Variants in ST6GAL2 observed in about 807,000 individuals in gnomAD.
ST6GAL2 encodes beta-galactoside alpha-2,6-sialyltransferase 2.
ST6GAL2 carries 24 observed loss-of-function variants against 37.5 expected under a neutral mutation model. The ratio of observed to expected loss-of-function variants is 0.64; its 90% CI spans 0.46 to 0.90. The LOEUF is 0.90. Ranked by LOEUF, ST6GAL2 falls within the 40% of genes least tolerant of loss-of-function variation. The probability of loss-of-function intolerance (pLI) is 0.00; values close to 1 mark genes in which losing one functional copy is unlikely to be tolerated. For missense variants in ST6GAL2, 715 were observed against 712.7 expected, an observed-to-expected ratio of 1.00 and a Z score of -0.04; for synonymous variants, 306 against 295.1, an observed-to-expected ratio of 1.04 and a Z score of -0.38.
At chr2:106,867,977 A>C (rs2104605567) in intron 1 of ST6GAL2, among the ~76,000 whole-genome samples, 1 of 152,362 alleles carries the variant, frequency 6.6e-6, no homozygotes, top group South Asian at 2.1e-4. Context: ...TTATTATATA[A>C]GAAGGTAAGG....
Position 106,832,553 on chromosome 2 carries a change from G to A in ST6GAL2, c.1143+12C>T, listed in dbSNP as rs758272369. ...TGACCGTTGGGGTGGGCAAATCCAG[G>A]GAAACACTTACCAGGTTAAGATTTG... On this transcript the variant is annotated intron_variant, in intron 4 of 5. Coordinates refer to ENST00000409382, the MANE Select transcript of ST6GAL2 (RefSeq NM_001142351.2). 1 of 1,488,652 alleles carries A rather than the reference G, an allele frequency of 6.7e-7. No homozygotes were observed. The highest frequency in any genetic ancestry group is 1.2e-5 in the South Asian group (1 of 82,448). The allele number at this position is 1,488,652 out of a possible 1,614,324, so 92.2% of individuals were successfully genotyped here. A position where few individuals can be genotyped will look rare whatever the true frequency, so the allele number is the denominator to read the frequency against.
intron 1 of ST6GAL2, among the ~76,000 whole-genome samples, chr2:106,876,694 G>T (rs1017085168): frequency 6.6e-6 from 1 of 152,148 alleles, no homozygotes; most frequent in Non-Finnish European, 1.5e-5. Context: ...TTCAATTTAT[G>T]AAAATTCATC....
chr2:106,825,313 G>A (rs1448112), intron 5 of ST6GAL2, among the ~76,000 whole-genome samples: 3 of 152,130 alleles, frequency 2.0e-5, no homozygotes, highest in Admixed American at 1.3e-4. Context: ...TATGGAGAGA[G>A]GTTCATGCAG....
At chr2:106,835,894 T>C (rs779587520) in intron 2 of ST6GAL2, among the ~76,000 whole-genome samples, 5 of 152,242 alleles carry the variant, frequency 3.3e-5, no homozygotes, top group Admixed American at 6.5e-5. Context: ...TCATACTTTA[T>C]TGAGGTAATG....
chr2:106,818,581 C>A (rs1675890529), intron 5 of ST6GAL2, among the ~76,000 whole-genome samples: 1 of 152,134 alleles, frequency 6.6e-6, no homozygotes, highest in Non-Finnish European at 1.5e-5. Context: ...CCATACTCAA[C>A]TCCTTTCAAA....
intron 1 of ST6GAL2, among the ~76,000 whole-genome samples, chr2:106,878,641 G>T (rs1432566209): frequency 6.6e-6 from 1 of 152,196 alleles, no homozygotes; most frequent in Non-Finnish European, 1.5e-5. Flanking sequence ...TGTTTAGATA[G>T]AATCTACATT....
chr2:106,878,332 T>G (rs916445162), intron 1 of ST6GAL2, among the ~76,000 whole-genome samples: 19 of 151,984 alleles, frequency 1.3e-4, no homozygotes, highest in Non-Finnish European at 2.8e-4. Flanking sequence ...GGTGTGGTGG[T>G]GCCCACCTGT....
At chr2:106,855,879 C>T (rs1294019580) in intron 1 of ST6GAL2, among the ~76,000 whole-genome samples, 2 of 152,140 alleles carry the variant, frequency 1.3e-5, no homozygotes, top group African/African-American at 2.4e-5. Flanking sequence ...TTACACGGAA[C>T]TCCAGATTTA....
At chr2:106,872,861 T>A (rs1678335148) in intron 1 of ST6GAL2, among the ~76,000 whole-genome samples, 2 of 152,174 alleles carry the variant, frequency 1.3e-5, no homozygotes, top group African/African-American at 4.8e-5. Flanking sequence ...ATACTGAAGA[T>A]CACTTAATGT....
chr2:106,843,066 T>C lies in ST6GAL2; in HGVS notation c.912A>G (p.Ala304=). The C allele has an allele frequency of 4.7e-6, 7 of 1,477,450 alleles. No individual in the cohort carries two copies. The highest frequency in any genetic ancestry group is 2.5e-5 in the East Asian group (1 of 39,894). 91.5% of individuals were successfully genotyped at this position (1,477,450 alleles called of 1,614,324 possible). The change falls in exon 2 of 6, where the codon GCA becomes GCG. Residue 304 remains alanine, a synonymous_variant. Coordinates refer to ENST00000409382, the MANE Select transcript of ST6GAL2 (RefSeq NM_001142351.2). The part of the protein sequence containing the change: ...RSCAVVMSAG[A]ILNSSLGEEI... ...CCTCGCCCAAGGAAGAGTTGAGGAT[T>C]GCGCCTGCAGACATGACGACAGCGC...
In ST6GAL2 at chr2:106,826,556, A is replaced by AAAT. The variant is rs553561294; in HGVS notation, c.1318+3507_1318+3509dup. Reference sequence around the variant, plus strand: ...CTCCGTCTCAAAAAAAAAAAAAAAAAAATCAGAAAACAACCAAATCTCACA... The same window carrying AAAT: ...CTCCGTCTCAAAAAAAAAAAAAAAAAAATAATCAGAAAACAACCAAATCTCACA... On this transcript the variant is annotated intron_variant, in intron 5 of 5. Transcript: ENST00000409382. 3.7e-3 allele frequency among the ~76,000 whole-genome samples: 541 copies of AAAT among 144,708 alleles called. 4 individuals carry two copies. Among genetic ancestry groups the AAAT allele is most frequent in the Non-Finnish European group, 5.0e-3 (335 of 66,502 alleles). 94.9% of individuals were successfully genotyped at this position (144,708 alleles called of 152,430 possible).
chr2:106,866,759 G>A (rs1344929958), intron 1 of ST6GAL2, among the ~76,000 whole-genome samples: 1 of 152,144 alleles, frequency 6.6e-6, no homozygotes, highest in Non-Finnish European at 1.5e-5. Flanking sequence ...GGAAGCTGAA[G>A]GTAGAATGTG....
chr2:106,821,546 A>G (rs1394648100), intron 5 of ST6GAL2, among the ~76,000 whole-genome samples: 2 of 151,984 alleles, frequency 1.3e-5, no homozygotes, highest in Non-Finnish European at 2.9e-5. Flanking sequence ...CAGCAAAGAA[A>G]AGTCCAGGAT....
At chr2:106,875,374 C>T (rs565265136) in intron 1 of ST6GAL2, among the ~76,000 whole-genome samples, 4 of 152,142 alleles carry the variant, frequency 2.6e-5, no homozygotes, top group East Asian at 1.9e-4. Context: ...GATGGGGTTT[C>T]GCCATGTTGC....
rs186188941 is a variant in ST6GAL2, at chr2:106,819,072, A to G, written c.1318+10994T>C. On this transcript the variant is annotated intron_variant, in intron 5 of 5. Transcript: ENST00000409382. ...AGGGACAAAAGTAAAAAGAATAAGA[A>G]AGAATAAAGTACACCTGCAGGATCT... 3.5e-4 allele frequency among the ~76,000 whole-genome samples: 54 copies of G among 152,234 alleles called. 1 individual carries two copies. Among genetic ancestry groups the G allele is most frequent in the African/African-American group, 1.3e-3 (52 of 41,556 alleles).
At chr2:106,874,421 G>A (rs1255970946) in intron 1 of ST6GAL2, among the ~76,000 whole-genome samples, 2 of 152,130 alleles carry the variant, frequency 1.3e-5, no homozygotes, top group Non-Finnish European at 2.9e-5. Context: ...GAGACCATGA[G>A]CTTGGATCCA....
At chr2:106,878,273 G>T (rs1267784736) in intron 1 of ST6GAL2, among the ~76,000 whole-genome samples, 12 of 152,306 alleles carry the variant, frequency 7.9e-5, no homozygotes, top group Non-Finnish European at 1.5e-5. Flanking sequence ...GACCAGCCTG[G>T]GCAACAGAGT....
At chr2:106,810,102 C>G (rs577060734) in intron 5 of ST6GAL2, among the ~76,000 whole-genome samples, 2 of 152,290 alleles carry the variant, frequency 1.3e-5, no homozygotes, top group African/African-American at 4.8e-5. Context: ...CCTTGCTATC[C>G]TCTTAGACTC....
At chr2:106,847,843 A>G (rs1677203555) in intron 1 of ST6GAL2, among the ~76,000 whole-genome samples, 1 of 152,046 alleles carries the variant, frequency 6.6e-6, no homozygotes, top group Non-Finnish European at 1.5e-5. Context: ...CACCCTCCCA[A>G]CACATCAGTG....
Sources: gnomAD v4.1 joint callset for allele counts (sites outside exome capture counted in the v4.1 genomes callset) on GRCh38, gnomAD v4.1.1 for gene constraint, MANE v1.5 for transcripts, NCBI Gene and HGNC (gene_info 2026-07-23, HGNC 2026-07-21) for gene names.